Variants in SPMIP7 observed in about 807,000 individuals in gnomAD.
SPMIP7 encodes the protein sperm microtubule inner protein 7, also known as protein SPMIP7.
At chr7:50,128,532 G>T in the SPMIP7 span, among the ~76,000 whole-genome samples, 1 of 151,864 alleles carries the variant, frequency 6.6e-6, no homozygotes, top group African/African-American at 2.4e-5. Flanking sequence ...ACTCTGATTT[G>T]ATTTTTACAG....
chr7:50,154,160 T>C, the SPMIP7 span, among the ~76,000 whole-genome samples: 3 of 152,326 alleles, frequency 2.0e-5, no homozygotes, highest in Non-Finnish European at 4.4e-5. Context: ...TGATGACATA[T>C]GGGTATATAG....
chr7:50,132,283 TA>T, the SPMIP7 span, among the ~76,000 whole-genome samples: 2 of 152,276 alleles, frequency 1.3e-5, no homozygotes, highest in African/African-American at 4.8e-5. Context: ...TTTCTCATCT[TA>T]AAAATGAAGG....
the SPMIP7 span, among the ~76,000 whole-genome samples, chr7:50,098,408 C>T: frequency 6.6e-6 from 1 of 152,144 alleles, no homozygotes; most frequent in Non-Finnish European, 1.5e-5. Context: ...AGAGATAGAC[C>T]TCATCTATTG....
At chr7:50,146,546 T>A in the SPMIP7 span, among the ~76,000 whole-genome samples, 5 of 152,368 alleles carry the variant, frequency 3.3e-5, no homozygotes, top group South Asian at 1.0e-3. Flanking sequence ...GGCCACGACA[T>A]CTTATGATAT....
At chr7:50,151,983 C>G in the SPMIP7 span, among the ~76,000 whole-genome samples, 3 of 152,292 alleles carry the variant, frequency 2.0e-5, no homozygotes, top group Admixed American at 2.0e-4. Flanking sequence ...GAACAGCCAC[C>G]TTACTTTTAT....
the SPMIP7 span, among the ~76,000 whole-genome samples, chr7:50,122,221 C>T: frequency 6.6e-6 from 1 of 152,096 alleles, no homozygotes; most frequent in Non-Finnish European, 1.5e-5. Flanking sequence ...GAGATGAAAG[C>T]ATGTGATAAA....
At chr7:50,155,267 G>A in the SPMIP7 span, among the ~76,000 whole-genome samples, 1 of 152,130 alleles carries the variant, frequency 6.6e-6, no homozygotes, top group Non-Finnish European at 1.5e-5. Context: ...CATTGCCAAG[G>A]CCAATGTCAA....
chr7:50,119,613 T>C, the SPMIP7 span, among the ~76,000 whole-genome samples: 2 of 152,180 alleles, frequency 1.3e-5, no homozygotes, highest in Non-Finnish European at 2.9e-5. Context: ...TGCTAAAACC[T>C]CAAAGGAGGA....
the SPMIP7 span, among the ~76,000 whole-genome samples, chr7:50,139,942 T>C: frequency 6.6e-6 from 1 of 152,246 alleles, no homozygotes; most frequent in Non-Finnish European, 1.5e-5. Flanking sequence ...ATTTATTATA[T>C]GATTCCATTT....
the SPMIP7 span, chr7:50,159,206 C>A: frequency 7.1e-5 from 109 of 1,543,240 alleles, 1 homozygote; most frequent in African/African-American, 1.4e-5. Flanking sequence ...AGGCCTCCGC[C>A]TGGGGAAGGC....
the SPMIP7 span, among the ~76,000 whole-genome samples, chr7:50,150,790 G>A: frequency 1.3e-5 from 2 of 152,156 alleles, no homozygotes; most frequent in Non-Finnish European, 2.9e-5. Context: ...ACTGAAGAAC[G>A]GCTTCTTCAC....
At chr7:50,156,665 G>A in the SPMIP7 span, among the ~76,000 whole-genome samples, 4 of 151,442 alleles carry the variant, frequency 2.6e-5, no homozygotes, top group Admixed American at 2.6e-4. Context: ...TTCCATCACT[G>A]CTGTCTCCCT....
chr7:50,148,931 G>A, the SPMIP7 span, among the ~76,000 whole-genome samples: 4,093 of 152,258 alleles, frequency 0.027, 132 homozygotes, highest in South Asian at 0.12. Context: ...TGGATCACAA[G>A]GTCAGGAGTT....
At chr7:50,153,501 A>G in the SPMIP7 span, among the ~76,000 whole-genome samples, 3 of 152,250 alleles carry the variant, frequency 2.0e-5, no homozygotes, top group Non-Finnish European at 2.9e-5. Flanking sequence ...GGAGCTCACC[A>G]TCTCTCAATG....
At chr7:50,134,599 G>C in the SPMIP7 span, among the ~76,000 whole-genome samples, 2 of 152,164 alleles carry the variant, frequency 1.3e-5, no homozygotes, top group Non-Finnish European at 1.5e-5. Flanking sequence ...AATTTTACCA[G>C]ATAACCTATG....
chr7:50,102,590 A>G, the SPMIP7 span, among the ~76,000 whole-genome samples: 6 of 152,128 alleles, frequency 3.9e-5, no homozygotes, highest in Non-Finnish European at 7.4e-5. Context: ...TGGCCCTTCT[A>G]AAGCCACAGA....
chr7:50,152,539 C>A, the SPMIP7 span, among the ~76,000 whole-genome samples: 6 of 152,216 alleles, frequency 3.9e-5, no homozygotes, highest in Admixed American at 6.5e-5. Context: ...TAGTTGTTGG[C>A]CCAGTGCAGA....
chr7:50,130,742 G>T, the SPMIP7 span, among the ~76,000 whole-genome samples: 739 of 152,108 alleles, frequency 4.9e-3, 2 homozygotes, highest in African/African-American at 0.017. Flanking sequence ...GCTGAGGGGT[G>T]TGCAGAAATT....
At chr7:50,139,539 AG>A in the SPMIP7 span, among the ~76,000 whole-genome samples, 2 of 152,338 alleles carry the variant, frequency 1.3e-5, no homozygotes, top group Admixed American at 1.3e-4. Flanking sequence ...AATGGCAAAT[AG>A]CTCAGGGAGA....
Sources: allele counts gnomAD v4.1 joint callset (sites outside exome capture counted in the v4.1 genomes callset), GRCh38; gene constraint gnomAD v4.1.1; transcripts MANE v1.5; gene names NCBI Gene and HGNC (gene_info 2026-07-23, HGNC 2026-07-21).